The following FGGY variants were observed in gnomAD, a reference collection of about 807,000 sequenced individuals.
FGGY encodes the protein FGGY carbohydrate kinase domain-containing protein.
In FGGY, 72 loss-of-function variants were observed where a neutral mutation model predicts 71.3. That is an observed-to-expected ratio of 1.01 (90% CI 0.84 to 1.23). The LOEUF (loss-of-function observed/expected upper bound fraction) is 1.23. Ranked by LOEUF, FGGY falls within the 50% of genes most tolerant of loss-of-function variation. The pLI, the probability that FGGY is intolerant of heterozygous loss-of-function variation, is 0.00. For missense variants in FGGY, 668 were observed against 682.3 expected (o/e 0.98, Z 0.23); for synonymous variants, 251 against 250.3 (o/e 1.00, Z -0.02).
intron 6 of FGGY, among the ~76,000 whole-genome samples, chr1:59,500,862 T>C (rs1181053007): frequency 1.3e-5 from 2 of 152,198 alleles, no homozygotes; most frequent in Non-Finnish European, 2.9e-5. Context: ...TGAATTTATG[T>C]CTAGCCTATT....
intron 5 of FGGY, among the ~76,000 whole-genome samples, chr1:59,401,791 C>G (rs2061997957): frequency 6.6e-6 from 1 of 152,076 alleles, no homozygotes; most frequent in African/African-American, 2.4e-5. Context: ...AGTCATGACT[C>G]AATGTGAAAA....
At chr1:59,433,526 C>A (rs945126915) in intron 5 of FGGY, among the ~76,000 whole-genome samples, 1 of 152,142 alleles carries the variant, frequency 6.6e-6, no homozygotes, top group Non-Finnish European at 1.5e-5. Flanking sequence ...GAGAGGGTCC[C>A]TCTGGAGCAG....
Position 59,649,900 on chromosome 1 carries a change from C to G in FGGY, c.1222-10319C>G, listed in dbSNP as rs1225206827. Reference sequence around the variant, plus strand: ...TTGGCTGTGGGTTTGTCATAGATAGCTCTTATTATTTTGAAATACGTCCCA... The same window carrying G: ...TTGGCTGTGGGTTTGTCATAGATAGGTCTTATTATTTTGAAATACGTCCCA... On this transcript the variant is annotated intron_variant, in intron 11 of 15. Coordinates refer to ENST00000303721, the MANE Select transcript of FGGY (RefSeq NM_018291.5). Among the ~76,000 whole-genome samples the G allele has an allele frequency of 3.5e-5, 5 of 141,904 alleles. 1 individual carries two copies. Among genetic ancestry groups the G allele is most frequent in the South Asian group, 2.2e-4 (1 of 4,550 alleles). 93.1% of individuals were successfully genotyped at this position (141,904 alleles called of 152,430 possible). A position where few individuals can be genotyped will look rare whatever the true frequency, so the allele number is the denominator to read the frequency against.
At chr1:59,732,434 T>G (rs979476358) in intron 14 of FGGY, among the ~76,000 whole-genome samples, 2 of 152,066 alleles carry the variant, frequency 1.3e-5, no homozygotes, top group East Asian at 3.9e-4. Context: ...AGCTGGGAGT[T>G]GTTCTAGATA....
chr1:59,647,886 T>A (rs1355066958), intron 11 of FGGY, among the ~76,000 whole-genome samples: 1 of 110,956 alleles, frequency 9.0e-6, no homozygotes, highest in East Asian at 2.8e-4. Context: ...CTCCCAATGC[T>A]ATCCCTCCCC....
At chr1:59,630,611 A>G (rs1400846019) in intron 10 of FGGY, among the ~76,000 whole-genome samples, 1 of 152,254 alleles carries the variant, frequency 6.6e-6, no homozygotes, top group Non-Finnish European at 1.5e-5. Flanking sequence ...GTGTAACACA[A>G]ACTTACTGAA....
chr1:59,300,209 A>G (rs2042553030), intron 1 of FGGY, among the ~76,000 whole-genome samples: 1 of 152,142 alleles, frequency 6.6e-6, no homozygotes, highest in Non-Finnish European at 1.5e-5. Context: ...ATCTATGAAA[A>G]CCATCATGAC....
chr1:59,587,355 C>T (rs2096320485), intron 8 of FGGY, among the ~76,000 whole-genome samples: 1 of 152,076 alleles, frequency 6.6e-6, no homozygotes, highest in African/African-American at 2.4e-5. Flanking sequence ...TAGGCTCCAC[C>T]TCTGGGGGCA....
At chr1:59,626,271 G>A in intron 10 of FGGY, 1 of 448,124 alleles carries the variant, frequency 2.2e-6, no homozygotes, top group Non-Finnish European at 4.0e-6. Flanking sequence ...TATACCCAGG[G>A]ACTATAGATA....
At chr1:59,437,597 C>T (rs904048666) in intron 5 of FGGY, among the ~76,000 whole-genome samples, 52 of 152,330 alleles carry the variant, frequency 3.4e-4, no homozygotes, top group African/African-American at 1.3e-3. Context: ...CTCATATTAA[C>T]ACTGATATTA....
At chr1:59,390,687 TACTA>T (rs575863534) in intron 5 of FGGY, among the ~76,000 whole-genome samples, 55 of 151,970 alleles carry the variant, frequency 3.6e-4, no homozygotes, top group African/African-American at 1.2e-3. Context: ...GGGGTTTTCT[TACTA>T]AATAAAAAGG....
chr1:59,375,751 C>G (rs181050113), intron 4 of FGGY, among the ~76,000 whole-genome samples: 1 of 152,110 alleles, frequency 6.6e-6, no homozygotes, highest in East Asian at 1.9e-4. Flanking sequence ...CTCTTTTTGG[C>G]AAAAGGCTTG....
intron 7 of FGGY, among the ~76,000 whole-genome samples, chr1:59,536,632 G>A (rs1342351479): frequency 1.3e-5 from 2 of 152,244 alleles, no homozygotes; most frequent in Admixed American, 6.5e-5. Context: ...TTATCCAGCA[G>A]CACATCAAAA....
At chr1:59,452,201 T>C (rs1053956141) in intron 5 of FGGY, among the ~76,000 whole-genome samples, 1 of 152,068 alleles carries the variant, frequency 6.6e-6, no homozygotes, top group Non-Finnish European at 1.5e-5. Flanking sequence ...CTTCCATCAT[T>C]ATGTCAATCT....
At chr1:59,696,405 A>G (rs954155969) in intron 14 of FGGY, among the ~76,000 whole-genome samples, 1 of 152,230 alleles carries the variant, frequency 6.6e-6, no homozygotes, top group East Asian at 1.9e-4. Flanking sequence ...AATCAATACT[A>G]TAGGTAGTAC....
chr1:59,374,899 G>C lies in FGGY; in HGVS notation c.466-3850G>C, dbSNP rs1571237320. Among the ~76,000 whole-genome samples, 3 of 116,792 alleles carry C rather than the reference G, an allele frequency of 2.6e-5. No homozygotes were observed. In the Admixed American group the frequency reaches 3.1e-4, roughly 12 times the overall value. 76.6% of individuals were successfully genotyped at this position (116,792 alleles called of 152,430 possible). A position where few individuals can be genotyped will look rare whatever the true frequency, so the allele number is the denominator to read the frequency against. ...CAGGAAGGGGAACATCACACTCTGG[G>C]GACTGTTGTGGGGTGGGGGGAGGGG... On this transcript the variant is annotated intron_variant, in intron 4 of 15. Coordinates refer to ENST00000303721, the MANE Select transcript of FGGY (RefSeq NM_018291.5).
At chr1:59,623,681 A>T (rs1322472685) in intron 9 of FGGY, among the ~76,000 whole-genome samples, 1 of 152,110 alleles carries the variant, frequency 6.6e-6, no homozygotes, top group Non-Finnish European at 1.5e-5. Flanking sequence ...CTACCTATTT[A>T]TGGCCTCTCA....
Position 59,359,708 on chromosome 1 carries a change from TTAGA to T in FGGY, c.465+13313_465+13316del, listed in dbSNP as rs2055044339. Among the ~76,000 whole-genome samples, 4 of 152,290 alleles carry T rather than the reference TTAGA, an allele frequency of 2.6e-5. No homozygotes were observed. In the South Asian group the frequency reaches 8.3e-4, roughly 32 times the overall value. ...CCTCCCTGTATGGAGAGGCTATGGA[TTAGA>T]TAAACTTCAGAGTGTTTAGTAATAA... On this transcript the variant is annotated intron_variant, in intron 4 of 15. Coordinates refer to ENST00000303721, the MANE Select transcript of FGGY (RefSeq NM_018291.5).
rs188607667 is a variant in FGGY, at chr1:59,612,132, G to C, written c.1011+4222G>C. Among the ~76,000 whole-genome samples the C allele has an allele frequency of 2.3e-3, 346 of 152,176 alleles. 4 individuals carry two copies. Among genetic ancestry groups the C allele is most frequent in the African/African-American group, 7.9e-3 (327 of 41,512 alleles). The stretch of plus-strand genomic sequence containing the variant: ...CTAGGCAGACCAACATTCAGATTCA[G>C]GAAATACAGAGAATGCCACAAAGAT... On this transcript the variant is annotated intron_variant, in intron 9 of 15. Transcript: ENST00000303721.
Sources: gnomAD v4.1 joint callset for allele counts (sites outside exome capture counted in the v4.1 genomes callset) on GRCh38, gnomAD v4.1.1 for gene constraint, MANE v1.5 for transcripts, NCBI Gene and HGNC (gene_info 2026-07-23, HGNC 2026-07-21) for gene names.